Variants in FBLN1 observed in about 807,000 individuals in gnomAD.
FBLN1 encodes the protein fibulin-1.
A neutral mutation model predicts 89.7 loss-of-function variants in FBLN1; 34 were observed. The observed-to-expected ratio is 0.38, with a 90% CI of 0.29 to 0.50. The LOEUF (loss-of-function observed/expected upper bound fraction) is 0.50. Ranked by LOEUF, FBLN1 falls within the 20% of genes least tolerant of loss-of-function variation. FBLN1 has a pLI of 0.92. For synonymous variants in FBLN1, 393 were observed against 391.3 expected (o/e 1.00, Z -0.05); for missense variants, 777 against 988.1 (o/e 0.79, Z 2.86).
intron 8 of FBLN1, among the ~76,000 whole-genome samples, chr22:45,540,490 C>T (rs2088541348): frequency 6.6e-6 from 1 of 152,144 alleles, no homozygotes; most frequent in Non-Finnish European, 1.5e-5. Context: ...ACCATCACTC[C>T]CTCTCTTTGT....
chr22:45,547,261 A>G (rs538180785), intron 12 of FBLN1, 57 bp downstream of exon 12: 917 of 1,606,158 alleles, frequency 5.7e-4, no homozygotes, highest in Non-Finnish European at 7.5e-4. Context: ...GCCATGACAC[A>G]GCAGCACGGC....
At chr22:45,535,125 T>C (rs970482231) in intron 7 of FBLN1, 75 bp from the exon 8 acceptor site, 4 of 1,561,878 alleles carry the variant, frequency 2.6e-6, no homozygotes, top group Non-Finnish European at 3.5e-6. Context: ...AAAAGCTTTC[T>C]TGTGATTTTA....
At chr22:45,517,126 C>A (rs966471379) in intron 1 of FBLN1, among the ~76,000 whole-genome samples, 1 of 152,076 alleles carries the variant, frequency 6.6e-6, no homozygotes, top group African/African-American at 2.4e-5. Context: ...CCCCGAGGGC[C>A]CAGCCTGGAA....
At chr22:45,520,277 G>T (rs2088232033) in intron 2 of FBLN1, among the ~76,000 whole-genome samples, 1 of 152,180 alleles carries the variant, frequency 6.6e-6, no homozygotes, top group Non-Finnish European at 1.5e-5. Context: ...AGTATAAGGG[G>T]CAGGGTGGCT....
At chr22:45,542,088 T>C (rs981674065) in intron 9 of FBLN1, 67 bp from the exon 10 acceptor site, 65 of 1,611,368 alleles carry the variant, frequency 4.0e-5, no homozygotes, top group Non-Finnish European at 5.3e-5. Context: ...CTTTCCTTTC[T>C]GATCATCTTG....
In FBLN1 at chr22:45,574,773, C is replaced by CTT; in HGVS notation, c.1840+122_1840+123dup. On this transcript the variant is annotated intron_variant, in intron 15 of 16. Coordinates refer to ENST00000327858, the MANE Select transcript of FBLN1 (RefSeq NM_006486.3). The surrounding 1 kb of genome is among the most constrained non-coding windows in gnomAD (Gnocchi z 4.1). The stretch of plus-strand genomic sequence containing the variant: ...GTGGCCCAGGCTTTGAAATGCAGAA[C>CTT]TTTCTTTTTTTTTTTTTTTTTTTTT... 2.4e-5 allele frequency: 14 copies of CTT among 591,706 alleles called. No individual in the cohort carries two copies. The highest frequency in any genetic ancestry group is 1.1e-4 in the South Asian group (5 of 45,974). The allele number at this position is 591,706 out of a possible 1,614,324, so 36.7% of individuals were successfully genotyped here.
intron 3 of FBLN1, among the ~76,000 whole-genome samples, chr22:45,526,850 T>C (rs998081160): frequency 7.0e-6 from 1 of 142,728 alleles, no homozygotes; most frequent in African/African-American, 2.5e-5. Flanking sequence ...CAACACCCAA[T>C]GCAGGGCTGG....
At chr22:45,540,861 GGGA>G (rs140534527) in intron 8 of FBLN1, among the ~76,000 whole-genome samples, 37 of 152,370 alleles carry the variant, frequency 2.4e-4, no homozygotes, top group African/African-American at 8.9e-4. Flanking sequence ...GAGCCTTGCT[GGGA>G]GTCAGAGTTG....
At chr22:45,524,495 C>A (rs2088293749) in intron 2 of FBLN1, among the ~76,000 whole-genome samples, 1 of 152,150 alleles carries the variant, frequency 6.6e-6, no homozygotes, top group Admixed American at 6.5e-5. Flanking sequence ...CAGCTAGGTG[C>A]CACTGCAGCC....
At chr22:45,524,221 A>G (rs1329595315) in intron 2 of FBLN1, among the ~76,000 whole-genome samples, 3 of 152,254 alleles carry the variant, frequency 2.0e-5, no homozygotes, top group Non-Finnish European at 4.4e-5. Flanking sequence ...CAGTGCAGGG[A>G]AGCTGGGGAG....
Position 45,576,941 on chromosome 22 carries a change from C to T in FBLN1, c.1841-36C>T. 1 of 1,612,138 alleles carries T rather than the reference C, an allele frequency of 6.2e-7. No homozygotes were observed. The highest frequency in any genetic ancestry group is 8.5e-7 in the Non-Finnish European group (1 of 1,179,878). On this transcript the variant is annotated intron_variant, in intron 15 of 16. Coordinates refer to ENST00000327858, the MANE Select transcript of FBLN1 (RefSeq NM_006486.3). This position sits in a 1 kb window ranked among gnomAD's most constrained non-coding sequence, Gnocchi z 5.2. Reference sequence around the variant, plus strand: ...GGCTGGGACTGGGGCTGGGGCCAGGCTGTGCTGAGCCCTTCTCCATTCTGT... The same window carrying T: ...GGCTGGGACTGGGGCTGGGGCCAGGTTGTGCTGAGCCCTTCTCCATTCTGT...
rs773498758 is a variant in FBLN1 at position 45,531,330 on chromosome 22, A to T, written c.544+6A>T. 1 of 1,613,032 alleles carries T rather than the reference A, an allele frequency of 6.2e-7. No homozygotes were observed. Among genetic ancestry groups the T allele is most frequent in the East Asian group, 2.2e-5 (1 of 44,856 alleles). On this transcript the variant is annotated splice_donor_region_variant and intron_variant, in intron 5 of 16. Coordinates refer to ENST00000327858, the MANE Select transcript of FBLN1 (RefSeq NM_006486.3). This position sits in a 1 kb window ranked among gnomAD's most constrained non-coding sequence, Gnocchi z 4.9. ...TCTGAATGACCGCTGCCGAGGTGAG[A>T]CTCGGGCGTCTCCCATCAGTTGGTA...
In FBLN1 at chr22:45,580,107, G is replaced by A. The variant is rs28715680; in HGVS notation, c.1972+2999G>A. On this transcript the variant is annotated intron_variant, in intron 16 of 16. Coordinates refer to ENST00000327858, the MANE Select transcript of FBLN1 (RefSeq NM_006486.3). The surrounding 1 kb of genome is among the most constrained non-coding windows in gnomAD (Gnocchi z 8.6). The stretch of plus-strand genomic sequence containing the variant: ...AAGGAGGGAGCTGAGTTAAATGACC[G>A]CCTGAGACTGTGCAACTGAAAAACT... Among the ~76,000 whole-genome samples, 1,884 of 152,220 alleles carry A rather than the reference G, an allele frequency of 0.012. 39 individuals are homozygous for A. The highest frequency in any genetic ancestry group is 0.041 in the African/African-American group (1,723 of 41,538).
intron 16 of FBLN1, among the ~76,000 whole-genome samples, chr22:45,585,770 A>G (rs1040554662): frequency 6.6e-6 from 1 of 152,106 alleles, no homozygotes; most frequent in Non-Finnish European, 1.5e-5. Context: ...AGAGACTGGG[A>G]GATGGAAGGA....
rs574571356 is a variant in FBLN1 at position 45,582,241 on chromosome 22, T to C, written c.1972+5133T>C. Among the ~76,000 whole-genome samples, 27 of 152,328 alleles carry C rather than the reference T, an allele frequency of 1.8e-4. No homozygotes were observed. In the East Asian group the frequency reaches 4.8e-3, roughly 27 times the overall value. On this transcript the variant is annotated intron_variant, in intron 16 of 16. Coordinates refer to ENST00000327858, the MANE Select transcript of FBLN1 (RefSeq NM_006486.3). ...GGTCTATACTAGCTGGTATCTACAC[T>C]GGCTGGCATCTGTCAGCCGTGGTTG...
intron 10 of FBLN1, 131 bp downstream of exon 10, chr22:45,542,414 G>A: frequency 1.5e-6 from 2 of 1,301,774 alleles, no homozygotes; most frequent in South Asian, 2.5e-5. Flanking sequence ...GACCCTGAGA[G>A]AAGATCCTGA....
Position 45,583,476 on chromosome 22 carries a change from C to T in FBLN1, c.1972+6368C>T, listed in dbSNP as rs1361744090. ...ATCTCATTAATGGAATCAGATGAAACGATGTATGTGAAAGCTCCCAGCAGT... is the reference window on the plus strand; with the variant it reads ...ATCTCATTAATGGAATCAGATGAAATGATGTATGTGAAAGCTCCCAGCAGT... On this transcript the variant is annotated intron_variant, in intron 16 of 16. Coordinates refer to ENST00000327858, the MANE Select transcript of FBLN1 (RefSeq NM_006486.3). The surrounding 1 kb of genome is among the most constrained non-coding windows in gnomAD (Gnocchi z 4.5). Among the ~76,000 whole-genome samples the T allele has an allele frequency of 1.3e-5, 2 of 152,180 alleles. No homozygotes were observed. Among genetic ancestry groups the T allele is most frequent in the African/African-American group, 2.4e-5 (1 of 41,448 alleles).
chr22:45,532,905 T>G lies in FBLN1; in HGVS notation c.545-158T>G, dbSNP rs1602182741. 2 of 673,496 alleles carry G rather than the reference T, an allele frequency of 3.0e-6. No individual in the cohort carries two copies. The highest frequency in any genetic ancestry group is 5.3e-6 in the Non-Finnish European group (2 of 377,432). 41.7% of individuals were successfully genotyped at this position (673,496 alleles called of 1,614,324 possible). A position where few individuals can be genotyped will look rare whatever the true frequency, so the allele number is the denominator to read the frequency against. On this transcript the variant is annotated intron_variant, in intron 5 of 16. Transcript: ENST00000327858. The surrounding 1 kb of genome is among the most constrained non-coding windows in gnomAD (Gnocchi z 4.2). ...GGTGTCCAGAGCCAGAGCCTGGGGG[T>G]CTCCCAGTAGGGCAGCAGGTGGGCT...
intron 1 of FBLN1, among the ~76,000 whole-genome samples, chr22:45,518,353 G>A (rs569084265): frequency 1.3e-5 from 2 of 152,050 alleles, no homozygotes; most frequent in South Asian, 2.1e-4. Flanking sequence ...ACCCTGTCTG[G>A]ACAGGGACCG....
Sources: allele counts gnomAD v4.1 joint callset (sites outside exome capture counted in the v4.1 genomes callset), GRCh38; gene constraint gnomAD v4.1.1; non-coding constraint Gnocchi (gnomAD v3.1); transcripts MANE v1.5; gene names NCBI Gene and HGNC (gene_info 2026-07-23, HGNC 2026-07-21).